The following PRIMPOL variants were observed in gnomAD, a reference collection of about 807,000 sequenced individuals.
The protein encoded by PRIMPOL is primase and DNA directed polymerase.
PRIMPOL carries 54 observed loss-of-function variants against 63.6 expected under a neutral mutation model. That is an observed-to-expected ratio of 0.85 (90% CI 0.68 to 1.07). The LOEUF (loss-of-function observed/expected upper bound fraction) is 1.07. PRIMPOL is among the 50% of genes least tolerant of loss of function. The probability of loss-of-function intolerance (pLI) is 0.00; values close to 1 mark genes in which losing one functional copy is unlikely to be tolerated. For synonymous variants in PRIMPOL, 197 were observed against 220.2 expected (o/e 0.89, Z 0.93); for missense variants, 610 against 648.3 (o/e 0.94, Z 0.64).
rs763298866 is a variant in PRIMPOL at position 184,659,347 on chromosome 4, A to T, written c.188A>T (p.His63Leu). ...NFVKSCKEDV[H>L]VFALECKVGD... ...TTTTTTGATTTTATGCAGGACGTTC[A>T]TGTATTTGCTTTGGAATGCAAAGTA... Residue 63 changes from histidine to leucine, a missense_variant, in exon 4 of 14, where the codon CAT (histidine) becomes CTT (leucine). Around this residue, in one of 3 missense-constraint regions of PRIMPOL, gnomAD observed 159 missense variants for 168.9 expected, o/e 0.94. Transcript: ENST00000314970. The T allele has an allele frequency of 6.2e-7, 1 of 1,612,342 alleles. No individual in the cohort carries two copies.
chr4:184,656,012 C>T (rs1349396998), intron 2 of PRIMPOL, among the ~76,000 whole-genome samples: 5 of 152,166 alleles, frequency 3.3e-5, no homozygotes, highest in Non-Finnish European at 5.9e-5. Flanking sequence ...CTCTCTGGGA[C>T]TCAGGCTTAC....
intron 13 of PRIMPOL, 22 bp from the exon 14 acceptor site, chr4:184,694,500 T>G: frequency 1.2e-6 from 2 of 1,605,258 alleles, no homozygotes; most frequent in Non-Finnish European, 1.7e-6. Context: ...CCACTCTCTA[T>G]CCCTTCACCA....
intron 7 of PRIMPOL, among the ~76,000 whole-genome samples, chr4:184,673,798 T>C (rs1275923529): frequency 6.6e-6 from 1 of 152,164 alleles, no homozygotes; most frequent in Non-Finnish European, 1.5e-5. Flanking sequence ...AAAGTAGGTT[T>C]AAATTATAGG....
chr4:184,685,698 A>T lies in PRIMPOL; in HGVS notation c.1295+14A>T. ...TAATAATATAATGTAAGTAATATTA[A>T]TGATTTGTGTGTATTTAACCAATAT... is the stretch of plus-strand genomic sequence containing the variant. On this transcript the variant is annotated intron_variant, in intron 11 of 13. Transcript: ENST00000314970. 7.7e-6 allele frequency: 9 copies of T among 1,170,398 alleles called. No homozygotes were observed. Among genetic ancestry groups the T allele is most frequent in the Non-Finnish European group, 8.7e-6 (7 of 802,090 alleles). The allele number at this position is 1,170,398 out of a possible 1,614,324, so 72.5% of individuals were successfully genotyped here.
At chr4:184,690,200 G>A (rs1758121768) in intron 11 of PRIMPOL, among the ~76,000 whole-genome samples, 1 of 151,988 alleles carries the variant, frequency 6.6e-6, no homozygotes, top group African/African-American at 2.4e-5. Context: ...GATTGTTTAG[G>A]TTTTCTGTTG....
rs1259767051 is a variant in PRIMPOL at position 184,649,899 on chromosome 4, A to G, written c.-147A>G. On this transcript the variant is annotated 5_prime_UTR_variant, in exon 1 of 14. Coordinates refer to ENST00000314970, the MANE Select transcript of PRIMPOL (RefSeq NM_152683.4). ...CTGGGAAGAAGAGGAGCAGGCCGGG[A>G]CGCCCACCGGTAATTTCTGTCTCCT... is the stretch of plus-strand genomic sequence containing the variant. 2.0e-5 allele frequency: 3 copies of G among 152,172 alleles called. No homozygotes were observed. The highest frequency in any genetic ancestry group is 1.3e-4 in the Admixed American group (2 of 15,276). 9.4% of individuals were successfully genotyped at this position (152,172 alleles called of 1,614,324 possible). A position where few individuals can be genotyped will look rare whatever the true frequency, so the allele number is the denominator to read the frequency against.
intron 3 of PRIMPOL, among the ~76,000 whole-genome samples, chr4:184,658,889 C>T (rs1047971506): frequency 4.4e-5 from 6 of 137,500 alleles, no homozygotes; most frequent in African/African-American, 1.1e-4. Context: ...GCCTGGGCAA[C>T]AGAGCAAGAC....
intron 13 of PRIMPOL, among the ~76,000 whole-genome samples, chr4:184,692,494 G>T (rs753796826): frequency 3.7e-3 from 385 of 105,012 alleles, no homozygotes; most frequent in Non-Finnish European, 6.2e-3. Context: ...AAAAAAAAAA[G>T]AAAGAAAATA....
chr4:184,655,324 CT>C (rs60487948), intron 2 of PRIMPOL, among the ~76,000 whole-genome samples: 345 of 131,102 alleles, frequency 2.6e-3, no homozygotes, highest in Middle Eastern at 4.3e-3. Context: ...CTCTCGTAAT[CT>C]TTTTTTTTTT....
intron 7 of PRIMPOL, among the ~76,000 whole-genome samples, chr4:184,675,853 A>G (rs1753171508): frequency 6.6e-6 from 1 of 152,084 alleles, no homozygotes; most frequent in Non-Finnish European, 1.5e-5. Context: ...AAACTCACAT[A>G]TAAGTGGTGC....
chr4:184,673,609 C>G (rs979890891), intron 7 of PRIMPOL, among the ~76,000 whole-genome samples: 2 of 149,846 alleles, frequency 1.3e-5, no homozygotes, highest in South Asian at 2.1e-4. Flanking sequence ...ATTTTTAGTA[C>G]AGACGGGGTT....
At chr4:184,683,202 G>A (rs2696052) in intron 9 of PRIMPOL, among the ~76,000 whole-genome samples, 112,527 of 152,200 alleles carry the variant, frequency 0.74, 44,787 homozygotes, top group East Asian at 0.99. Flanking sequence ...AGGCTGAGTC[G>A]GGCAGATAAC....
At chr4:184,670,545 A>ATTTTTTTTT (rs57234973) in intron 6 of PRIMPOL, among the ~76,000 whole-genome samples, 1 of 136,686 alleles carries the variant, frequency 7.3e-6, no homozygotes, top group Admixed American at 7.4e-5. Context: ...TAGGAAAGTA[A>ATTTTTTTTT]TTTTTTTTTT....
rs1745632802 is a variant in PRIMPOL, at chr4:184,654,452, A to AGTTTTTTGTTTTT, written c.-60+2359_-60+2360insGTTTTTGTTTTTT. ...TCACTTTGTATTGACAAGTTAAAGCAGTTTTTTTTTTTTTTTGAGACAGAG... is the reference window on the plus strand; with the variant it reads ...TCACTTTGTATTGACAAGTTAAAGCAGTTTTTTGTTTTTGTTTTTTTTTTTTTTTGAGACAGAG... On this transcript the variant is annotated intron_variant, in intron 2 of 13. Coordinates refer to ENST00000314970, the MANE Select transcript of PRIMPOL (RefSeq NM_152683.4). Among the ~76,000 whole-genome samples the AGTTTTTTGTTTTT allele has an allele frequency of 2.1e-4, 27 of 126,574 alleles. No homozygotes were observed. In the South Asian group the frequency reaches 5.3e-3, roughly 25 times the overall value. 83.0% of individuals were successfully genotyped at this position (126,574 alleles called of 152,430 possible).
At chr4:184,657,442 C>A in intron 3 of PRIMPOL, 122 bp downstream of exon 3, 1 of 788,536 alleles carries the variant, frequency 1.3e-6, no homozygotes, top group Non-Finnish European at 1.9e-6. Flanking sequence ...CATTTCAGGC[C>A]ATGTATTCTA....
chr4:184,689,121 G>A (rs1757777593), intron 11 of PRIMPOL, among the ~76,000 whole-genome samples: 1 of 152,030 alleles, frequency 6.6e-6, no homozygotes. Flanking sequence ...CCAGGCTTGA[G>A]GACAGAGTGC....
intron 4 of PRIMPOL, among the ~76,000 whole-genome samples, chr4:184,660,051 C>A (rs1018392472): frequency 1.3e-5 from 2 of 151,844 alleles, no homozygotes; most frequent in Admixed American, 1.3e-4. Context: ...GAACTCCTGA[C>A]CTCAGGTAAT....
At chr4:184,686,376 G>A (rs1053860715) in intron 11 of PRIMPOL, among the ~76,000 whole-genome samples, 2 of 152,080 alleles carry the variant, frequency 1.3e-5, no homozygotes, top group Admixed American at 1.3e-4. Context: ...GCGCAGGTTT[G>A]GGCAAGAAGG....
chr4:184,684,097 T>C (rs1756369655), intron 9 of PRIMPOL, among the ~76,000 whole-genome samples: 1 of 152,198 alleles, frequency 6.6e-6, no homozygotes, highest in African/African-American at 2.4e-5. Context: ...TCTCCAATTA[T>C]ATATATTATT....
Sources: gnomAD v4.1 joint callset for allele counts (sites outside exome capture counted in the v4.1 genomes callset) on GRCh38, gnomAD v4.1.1 for gene constraint, gnomAD v4.1.1 regional missense constraint, MANE v1.5 for transcripts, NCBI Gene and HGNC (gene_info 2026-07-23, HGNC 2026-07-21) for gene names.